The following FAM174B variants were observed in gnomAD, a reference collection of about 807,000 sequenced individuals.
The protein encoded by FAM174B is family with sequence similarity 174 member B.
A neutral mutation model predicts 10.9 loss-of-function variants in FAM174B; 12 were observed. The ratio of observed to expected loss-of-function variants is 1.10; its 90% CI spans 0.71 to 1.79. FAM174B has a LOEUF of 1.79. Ranked by LOEUF, FAM174B falls within the 40% of genes most tolerant of loss-of-function variation. FAM174B has a pLI of 0.00. For missense variants in FAM174B, 266 were observed against 233.3 expected, an observed-to-expected ratio of 1.14 and a Z score of -0.91; for synonymous variants, 132 against 115.8, an observed-to-expected ratio of 1.14 and a Z score of -0.90.
At chr15:92,635,793 C>T (rs964602260) in intron 1 of FAM174B, among the ~76,000 whole-genome samples, 1 of 152,030 alleles carries the variant, frequency 6.6e-6, no homozygotes, top group Non-Finnish European at 1.5e-5. Context: ...GTAGGCCAAA[C>T]TAGTCTTGAA....
chr15:92,620,269 C>T (rs112795405), intron 2 of FAM174B, among the ~76,000 whole-genome samples: 4,853 of 152,254 alleles, frequency 0.032, 260 homozygotes, highest in African/African-American at 0.11. Flanking sequence ...GAGGCCGAGG[C>T]GGATGGATCA....
intron 1 of FAM174B, among the ~76,000 whole-genome samples, chr15:92,651,671 C>T (rs2050967375): frequency 6.6e-6 from 1 of 152,200 alleles, no homozygotes. Flanking sequence ...AACCAATGCC[C>T]AGTTGTTGGA....
chr15:92,646,356 C>T (rs574937570), intron 1 of FAM174B, among the ~76,000 whole-genome samples: 6 of 152,158 alleles, frequency 3.9e-5, no homozygotes, highest in Non-Finnish European at 7.4e-5. Flanking sequence ...AAGGGTGAGG[C>T]GGACTCCTCC....
intron 1 of FAM174B, chr15:92,655,056 G>A: frequency 2.9e-6 from 1 of 340,882 alleles, no homozygotes; most frequent in Non-Finnish European, 5.2e-6. Flanking sequence ...TTAGCAGAAA[G>A]CCAACAAATG....
Position 92,631,267 on chromosome 15 carries a change from AT to A in FAM174B, c.345-923del, listed in dbSNP as rs1268059099. ...TTATATTATATATAATATATTATAT[AT>A]TATATTATATATAATATATTATATA... On this transcript the variant is annotated intron_variant, in intron 1 of 2. Transcript: ENST00000327355. 4.7e-3 allele frequency among the ~76,000 whole-genome samples: 51 copies of A among 10,870 alleles called. 14 individuals carry two copies. The highest frequency in any genetic ancestry group is 0.023 in the African/African-American group (48 of 2,130). 7.1% of individuals were successfully genotyped at this position (10,870 alleles called of 152,430 possible).
At chr15:92,651,162 A>T (rs1349842738) in intron 1 of FAM174B, among the ~76,000 whole-genome samples, 2 of 152,228 alleles carry the variant, frequency 1.3e-5, no homozygotes, top group Non-Finnish European at 2.9e-5. Context: ...AGATAATACT[A>T]AGTGTTGGAT....
At chr15:92,634,712 G>A (rs75218444) in intron 1 of FAM174B, 3,041 of 152,268 alleles carry the variant, frequency 0.02, 109 homozygotes, top group African/African-American at 0.07. Context: ...GCCACAGGGT[G>A]CCCAGACGTT....
At chr15:92,626,877 C>A (rs1231722575) in intron 2 of FAM174B, among the ~76,000 whole-genome samples, 1 of 151,894 alleles carries the variant, frequency 6.6e-6, no homozygotes, top group Non-Finnish European at 1.5e-5. Context: ...ATGGTGAAAC[C>A]CCGTCACCAC....
chr15:92,619,712 T>C (rs904874319), intron 2 of FAM174B: 13 of 563,268 alleles, frequency 2.3e-5, no homozygotes, highest in African/African-American at 3.8e-5. Context: ...ACAACCTCTT[T>C]CTCCTTATAT....
chr15:92,621,080 T>A (rs540152864), intron 2 of FAM174B, among the ~76,000 whole-genome samples: 2 of 152,338 alleles, frequency 1.3e-5, no homozygotes, highest in East Asian at 3.9e-4. Context: ...ATCCTATTTT[T>A]AGGAAATAGA....
At chr15:92,634,477 C>A (rs1197088830) in intron 1 of FAM174B, 1 of 152,188 alleles carries the variant, frequency 6.6e-6, no homozygotes, top group Non-Finnish European at 1.5e-5. Context: ...TCTTATCATT[C>A]ACGTATATAG....
At chr15:92,629,003 C>G (rs921597411) in intron 2 of FAM174B, among the ~76,000 whole-genome samples, 3 of 152,148 alleles carry the variant, frequency 2.0e-5, no homozygotes, top group Non-Finnish European at 4.4e-5. Context: ...CTAAATTGAT[C>G]CACAGGCAAT....
chr15:92,629,399 C>T (rs1464817180), intron 2 of FAM174B, among the ~76,000 whole-genome samples: 4 of 152,202 alleles, frequency 2.6e-5, no homozygotes, highest in Non-Finnish European at 5.9e-5. Context: ...CTTTAAGAAA[C>T]ACACCTGCCT....
chr15:92,619,639 T>TCC, intron 2 of FAM174B, 180 bp from the exon 3 acceptor site: 1 of 653,910 alleles, frequency 1.5e-6, no homozygotes, highest in South Asian at 2.0e-5. Context: ...GCAAACCCCC[T>TCC]CCCTCCCCAC....
At chr15:92,646,335 G>A (rs2050927263) in intron 1 of FAM174B, among the ~76,000 whole-genome samples, 2 of 152,150 alleles carry the variant, frequency 1.3e-5, no homozygotes, top group African/African-American at 4.8e-5. Context: ...CCAAAATCCA[G>A]CTGCAATGGG....
At chr15:92,619,763 G>A (rs1188196057) in intron 2 of FAM174B, 1 of 449,750 alleles carries the variant, frequency 2.2e-6, no homozygotes, top group East Asian at 3.5e-5. Flanking sequence ...TACACTAGGG[G>A]TTGGAAAACT....
At chr15:92,641,969 TA>T (rs1231116859) in intron 1 of FAM174B, among the ~76,000 whole-genome samples, 1 of 152,100 alleles carries the variant, frequency 6.6e-6, no homozygotes, top group African/African-American at 2.4e-5. Context: ...CCATCAATAA[TA>T]AAAAGACAAA....
At chr15:92,647,826 TGGATCTA>T (rs2050938613) in intron 1 of FAM174B, among the ~76,000 whole-genome samples, 1 of 152,190 alleles carries the variant, frequency 6.6e-6, no homozygotes, top group African/African-American at 2.4e-5. Context: ...AGGCCTTTGG[TGGATCTA>T]GGAGAGATTA....
chr15:92,642,356 C>G (rs560171909), intron 1 of FAM174B, among the ~76,000 whole-genome samples: 3 of 152,304 alleles, frequency 2.0e-5, no homozygotes, highest in South Asian at 4.1e-4. Flanking sequence ...CACAAAAACT[C>G]ATATACTTGT....
Sources: allele counts gnomAD v4.1 joint callset (sites outside exome capture counted in the v4.1 genomes callset), GRCh38; gene constraint gnomAD v4.1.1; transcripts MANE v1.5; gene names NCBI Gene and HGNC (gene_info 2026-07-23, HGNC 2026-07-21).